PARP4: variants seen among roughly 807,000 people sequenced by gnomAD.
PARP4 encodes poly(ADP-ribose) polymerase family member 4.
In PARP4, 120 loss-of-function variants were observed where a neutral mutation model predicts 187.7. That is an observed-to-expected ratio of 0.64 (90% CI 0.55 to 0.74). The LOEUF (loss-of-function observed/expected upper bound fraction) is 0.74. Among genes scored for constraint, PARP4 ranks in the 30% least tolerant of loss-of-function variants. PARP4 has a pLI of 0.00. For missense variants in PARP4, 1,836 were observed against 2,070.5 expected (o/e 0.89, Z 2.20); for synonymous variants, 654 against 740.9 (o/e 0.88, Z 1.90).
intron 31 of PARP4, among the ~76,000 whole-genome samples, chr13:24,433,372 T>C (rs1870447095): frequency 6.6e-6 from 1 of 152,174 alleles, no homozygotes; most frequent in Non-Finnish European, 1.5e-5. Context: ...CACCTTTCTC[T>C]CTCAAACTGT....
At chr13:24,477,956 A>T (rs1407483696) in intron 13 of PARP4, 99 bp from the exon 14 acceptor site, 1 of 1,116,070 alleles carries the variant, frequency 9.0e-7, no homozygotes, top group Non-Finnish European at 1.3e-6. Flanking sequence ...AATTTAGAAA[A>T]TGTTGAATTA....
chr13:24,480,786 G>A (rs1404143338), intron 12 of PARP4, among the ~76,000 whole-genome samples: 1 of 152,244 alleles, frequency 6.6e-6, no homozygotes, highest in East Asian at 1.9e-4. Flanking sequence ...TGAGGTTTAA[G>A]GAAAGAAGCC....
At chr13:24,500,600 T>C (rs1869220773) in intron 3 of PARP4, among the ~76,000 whole-genome samples, 3 of 152,212 alleles carry the variant, frequency 2.0e-5, no homozygotes, top group Admixed American at 6.5e-5. Context: ...ATCAGGAGGA[T>C]TCTCATCTGT....
intron 28 of PARP4, among the ~76,000 whole-genome samples, chr13:24,443,167 C>T (rs1871030624): frequency 3.0e-5 from 4 of 134,646 alleles, no homozygotes; most frequent in Admixed American, 2.9e-4. Flanking sequence ...TGTTGAAGAT[C>T]TCATCCCTCA....
chr13:24,459,226 T>C, intron 19 of PARP4, 38 bp downstream of exon 19: 3 of 1,587,128 alleles, frequency 1.9e-6, no homozygotes, highest in Non-Finnish European at 2.6e-6. Flanking sequence ...AAAACCAATA[T>C]CCATTGAATT....
At chr13:24,436,406 T>A (rs2033955) in intron 30 of PARP4, among the ~76,000 whole-genome samples, 16 of 151,882 alleles carry the variant, frequency 1.1e-4, no homozygotes, top group African/African-American at 3.9e-4. Flanking sequence ...TGGGCTCAAG[T>A]GATCCTCTCG....
chr13:24,469,946 G>A lies in PARP4; in HGVS notation c.1994C>T (p.Ala665Val), dbSNP rs1330623848. ...AKYIFPLDDKAAVCGFEAFIN... is the reference protein window; with the variant it reads ...AKYIFPLDDKVAVCGFEAFIN... ...GAAGGCTTCGAAGCCACACACAGCG[G>A]CCTTGTCATCCAAAGGAAAGATATA... The change falls in exon 16 of 34, where the codon GCC (alanine) becomes GTC (valine). Residue 665 changes from alanine (A) to valine (V), a missense_variant. Transcript: ENST00000381989. 1 of 1,613,668 alleles carries A rather than the reference G, an allele frequency of 6.2e-7. No homozygotes were observed. The highest frequency in any genetic ancestry group is 2.2e-5 in the East Asian group (1 of 44,888).
At position 24,435,095 on chromosome 13, in the gene PARP4, C is replaced by G; in HGVS notation, c.4046G>C (p.Ser1349Thr). The change falls in exon 31 of 34, where the codon AGT becomes ACT. Residue 1349 changes from serine to threonine, a missense_variant. Physicochemically the swap from Ser to Thr is moderately conservative, Grantham distance 58. Coordinates refer to ENST00000381989, the MANE Select transcript of PARP4 (RefSeq NM_006437.4). ...TCTGGGAGGAGCAGCTGAACCGAAA[C>G]TAGCTACCTGACGATATGAGGCAAA... ...LSFASYRQVA[S>T]FGSAAPPRQF... is the part of the protein sequence containing the mutation. 6.2e-7 allele frequency: 1 copy of G among 1,614,176 alleles called. No homozygotes were observed. The highest frequency in any genetic ancestry group is 2.2e-5 in the East Asian group (1 of 44,884).
At chr13:24,468,135 T>G (rs1030572398) in intron 17 of PARP4, among the ~76,000 whole-genome samples, 1 of 152,168 alleles carries the variant, frequency 6.6e-6, no homozygotes, top group African/African-American at 2.4e-5. Context: ...CTAAAATACC[T>G]GCACTAGAGT....
chr13:24,479,616 C>A (rs1014374295), intron 12 of PARP4, among the ~76,000 whole-genome samples: 1 of 152,170 alleles, frequency 6.6e-6, no homozygotes, highest in Non-Finnish European at 1.5e-5. Flanking sequence ...TCTAGCTAAT[C>A]TGGTGGGGAG....
rs765854302 is a variant in PARP4, at chr13:24,486,193, G to A, written c.1327C>T (p.Gln443Ter). 6.8e-6 allele frequency: 11 copies of A among 1,612,936 alleles called. No homozygotes were observed. The East Asian group carries it at 1.6e-4, about 23-fold the overall frequency. ...VRPLLHGSPVQNIVGILCRGL... is the reference protein window; with the variant it reads ...VRPLLHGSPV ...CGACACAAGATTCCCACGATGTTTT[G>A]TACAGGAGAACCATGCAACAAGGGC... The change falls in exon 11 of 34, where the codon CAA (glutamine) becomes TAA (stop). Residue 443 changes from glutamine (Q) to a stop codon, truncating the protein, a stop_gained. Transcript: ENST00000381989. LOFTEE classifies it high-confidence loss of function.
At chr13:24,458,411 GT>G (rs202018235) in intron 20 of PARP4, among the ~76,000 whole-genome samples, 1,738 of 144,784 alleles carry the variant, frequency 0.012, 27 homozygotes, top group African/African-American at 0.039. Context: ...ACTCAGCCAA[GT>G]TTTTTTTTTT....
intron 1 of PARP4, among the ~76,000 whole-genome samples, chr13:24,512,388 G>A (rs2282409): frequency 0.56 from 84,834 of 151,864 alleles, 23,801 homozygotes; most frequent in South Asian, 0.66. Flanking sequence ...GAAACAACGC[G>A]TGCTACTGCG....
At chr13:24,431,844 T>G (rs536510336) in intron 31 of PARP4, among the ~76,000 whole-genome samples, 1 of 152,338 alleles carries the variant, frequency 6.6e-6, no homozygotes, top group African/African-American at 2.4e-5. Flanking sequence ...ACACTACATA[T>G]CTGGTGGCAC....
chr13:24,511,435 T>TA (rs1870013958), intron 1 of PARP4, among the ~76,000 whole-genome samples: 1 of 152,170 alleles, frequency 6.6e-6, no homozygotes, highest in South Asian at 2.1e-4. Context: ...CTCCAGCCTG[T>TA]CCCCCTTCCC....
intron 1 of PARP4, among the ~76,000 whole-genome samples, chr13:24,508,968 A>C (rs1016244449): frequency 6.6e-6 from 1 of 152,220 alleles, no homozygotes; most frequent in South Asian, 2.1e-4. Flanking sequence ...TGGAAAATTA[A>C]ATCATTTCTG....
rs1566001754 is a variant in PARP4, at chr13:24,460,474, A to ATGGGTGGG, written c.2134-339_2134-338insCCCACCCA. ...CTGCTGCACGGGTGGGCTCTGCTGCACGGGTGGGCTCTGCTGCATGGGTGG... is the reference window on the plus strand; with the variant it reads ...CTGCTGCACGGGTGGGCTCTGCTGCATGGGTGGGCGGGTGGGCTCTGCTGCATGGGTGG... On this transcript the variant is annotated intron_variant, in intron 17 of 33. Coordinates refer to ENST00000381989, the MANE Select transcript of PARP4 (RefSeq NM_006437.4). Among the ~76,000 whole-genome samples the ATGGGTGGG allele has an allele frequency of 1.8e-3, 175 of 97,692 alleles. 4 individuals are homozygous for ATGGGTGGG. The East Asian group carries it at 0.02, about 11-fold the overall frequency. 64.1% of individuals were successfully genotyped at this position (97,692 alleles called of 152,430 possible).
chr13:24,507,991 A>T (rs9511308), intron 1 of PARP4, among the ~76,000 whole-genome samples: 32,278 of 152,108 alleles, frequency 0.21, 3,797 homozygotes, highest in South Asian at 0.41. Flanking sequence ...GTTAAACTGA[A>T]GTCTCTTGAT....
In PARP4 at chr13:24,434,740, G is replaced by A. The variant is rs759609262; in HGVS notation, c.4401C>T (p.Ser1467=). 6.5e-5 allele frequency: 105 copies of A among 1,613,618 alleles called. No homozygotes were observed. The highest frequency in any genetic ancestry group is 1.8e-4 in the Admixed American group (11 of 59,932). Residue 1467 remains serine (S), a synonymous_variant, in exon 31 of 34, where the codon TCC becomes TCT. Coordinates refer to ENST00000381989, the MANE Select transcript of PARP4 (RefSeq NM_006437.4). The part of the protein sequence containing the change: ...SASSPFHFQP[S]AASLTANLRL... ...TAAGGTTGGCAGTCAAAGAGGCTGC[G>A]GAAGGTTGAAAATGAAAAGGAGAGG...
Sources: allele counts gnomAD v4.1 joint callset (sites outside exome capture counted in the v4.1 genomes callset), GRCh38; gene constraint gnomAD v4.1.1; transcripts MANE v1.5; gene names NCBI Gene and HGNC (gene_info 2026-07-23, HGNC 2026-07-21).